Variants in SLC1A3 observed in about 807,000 individuals in gnomAD.
SLC1A3 encodes the protein solute carrier family 1 member 3, also known as excitatory amino acid transporter 1.
In SLC1A3, 21 loss-of-function variants were observed where a neutral mutation model predicts 48.1. The ratio of observed to expected loss-of-function variants is 0.44; its 90% confidence interval spans 0.31 to 0.63. The LOEUF (loss-of-function observed/expected upper bound fraction) is 0.63. Ranked by LOEUF, SLC1A3 falls within the 20% of genes least tolerant of loss-of-function variation. SLC1A3 has a pLI of 0.08. For synonymous variants in SLC1A3, 239 were observed against 251.4 expected, an observed-to-expected ratio of 0.95 and a Z score of 0.47; for missense variants, 546 against 689.0, an observed-to-expected ratio of 0.79 and a Z score of 2.32.
At chr5:36,661,930 G>A (rs779062963) in intron 3 of SLC1A3, among the ~76,000 whole-genome samples, 5 of 152,176 alleles carry the variant, frequency 3.3e-5, no homozygotes, top group Non-Finnish European at 7.4e-5. Context: ...TAGGAAGCGT[G>A]CTATCTCGAT....
intron 2 of SLC1A3, among the ~76,000 whole-genome samples, chr5:36,610,452 G>C (rs1305183842): frequency 1.3e-5 from 2 of 152,122 alleles, no homozygotes; most frequent in Non-Finnish European, 2.9e-5. Context: ...AGTAATACTG[G>C]AGTATATTTG....
Position 36,653,588 on chromosome 5 carries a change from A to G in SLC1A3, c.320-17441A>G, listed in dbSNP as rs113578352. Among the ~76,000 whole-genome samples the G allele has an allele frequency of 6.6e-4, 101 of 152,306 alleles. 3 individuals carry two copies. Among genetic ancestry groups the G allele is most frequent in the African/African-American group, 2.2e-3 (92 of 41,560 alleles). ...GCAGTCAAGTGTTGCCAGAACTCCA[A>G]TGTATAGTTTAGTAGAGTTTCCCAA... On this transcript the variant is annotated intron_variant, in intron 3 of 9. Transcript: ENST00000265113.
chr5:36,621,046 C>T (rs2115522), intron 2 of SLC1A3, among the ~76,000 whole-genome samples: 74,879 of 151,392 alleles, frequency 0.49, 21,005 homozygotes, highest in Admixed American at 0.64. Flanking sequence ...GCTGGGACAA[C>T]AGGTGTGCAC....
chr5:36,636,130 G>T (rs1445733079), intron 3 of SLC1A3: 1 of 149,936 alleles, frequency 6.7e-6, no homozygotes, highest in Non-Finnish European at 1.5e-5. Flanking sequence ...ATACCAAAAA[G>T]AATTTACCTT....
intron 2 of SLC1A3, among the ~76,000 whole-genome samples, chr5:36,618,218 A>T (rs1024781460): frequency 6.6e-6 from 1 of 152,368 alleles, no homozygotes; most frequent in South Asian, 2.1e-4. Context: ...TTTGTATGTT[A>T]CATTCAACTT....
chr5:36,683,972 G>A lies in SLC1A3; in HGVS notation c.1398G>A (p.Thr466=), dbSNP rs140281779. The A allele has an allele frequency of 1.9e-5, 31 of 1,614,054 alleles. No homozygotes were observed. Among genetic ancestry groups the A allele is most frequent in the African/African-American group, 1.2e-4 (9 of 74,914 alleles). ...TSVGLPTDDI[T]LIIAVDWFLD... ...TCGGCCTGCCCACTGACGACATCAC[G>A]CTCATCATCGCGGTGGACTGGTTCC... The change falls in exon 9 of 10, where the codon ACG becomes ACA. Residue 466 remains threonine, a synonymous_variant. Transcript: ENST00000265113.
At chr5:36,679,204 G>A (rs569956285) in intron 6 of SLC1A3, among the ~76,000 whole-genome samples, 1 of 152,312 alleles carries the variant, frequency 6.6e-6, no homozygotes, top group African/African-American at 2.4e-5. Context: ...GATTCCGGCT[G>A]TTCAGGACAC....
chr5:36,608,673 A>G, intron 2 of SLC1A3, 69 bp downstream of exon 2: 4 of 1,595,304 alleles, frequency 2.5e-6, no homozygotes, highest in Non-Finnish European at 2.6e-6. Flanking sequence ...TGCCCGGGGA[A>G]TATTATCAGA....
At chr5:36,683,661 TTGCACCAC>T (rs1742526824) in intron 8 of SLC1A3, among the ~76,000 whole-genome samples, 195 bp from the exon 9 acceptor site, 1 of 151,956 alleles carries the variant, frequency 6.6e-6, no homozygotes, top group Admixed American at 6.6e-5. Context: ...TGAGCCTAGT[TTGCACCAC>T]TGCACTCCAG....
chr5:36,632,100 C>T (rs1392612378), intron 3 of SLC1A3, among the ~76,000 whole-genome samples: 2 of 152,124 alleles, frequency 1.3e-5, no homozygotes, highest in Non-Finnish European at 2.9e-5. Context: ...TTCTCTTCAA[C>T]AAGAGAACTA....
Position 36,616,620 on chromosome 5 carries a change from C to T in SLC1A3, c.181+8016C>T, listed in dbSNP as rs1739446867. Among the ~76,000 whole-genome samples the T allele has an allele frequency of 2.6e-5, 4 of 152,210 alleles. No homozygotes were observed. In the South Asian group the frequency reaches 8.3e-4, roughly 32 times the overall value. ...AAGACAGCCGGCTGTTAGCGAGAGACTTCTTATTCAGAACCTTGTATGATG... is the reference window on the plus strand; with the variant it reads ...AAGACAGCCGGCTGTTAGCGAGAGATTTCTTATTCAGAACCTTGTATGATG... On this transcript the variant is annotated intron_variant, in intron 2 of 9. Transcript: ENST00000265113.
At chr5:36,603,188 A>T (rs2562576), upstream of SLC1A3, among the ~76,000 whole-genome samples, 2 of 152,110 alleles carry the variant, frequency 1.3e-5, no homozygotes, top group Admixed American at 1.3e-4. Flanking sequence ...AGCAGGAACC[A>T]CTACTGGCTC....
chr5:36,597,770 T>C (rs1738762420), intron 1 of SLC1A3, among the ~76,000 whole-genome samples: 1 of 152,118 alleles, frequency 6.6e-6, no homozygotes, highest in Admixed American at 6.5e-5. Flanking sequence ...GGCACGCCTC[T>C]CCCTAGCTAC....
rs1739064026 is a variant in SLC1A3 at position 36,608,613 on chromosome 5, T to C, written c.181+9T>C. ...CACCGCTGTCATTGTGGGTGAGTCA[T>C]TTGATTAAAAACAAAAAAACCTGTA... On this transcript the variant is annotated intron_variant, in intron 2 of 9. Coordinates refer to ENST00000265113, the MANE Select transcript of SLC1A3 (RefSeq NM_004172.5). 6.3e-7 allele frequency: 1 copy of C among 1,598,502 alleles called. No individual in the cohort carries two copies. Among genetic ancestry groups the C allele is most frequent in the Non-Finnish European group, 8.5e-7 (1 of 1,178,534 alleles).
chr5:36,684,134 T>C, intron 9 of SLC1A3, 136 bp downstream of exon 9: 1 of 1,126,600 alleles, frequency 8.9e-7, no homozygotes, highest in Admixed American at 1.7e-5. Flanking sequence ...TAAATTGTCC[T>C]TATTGTCTGA....
At chr5:36,666,571 C>A (rs1322035226) in intron 3 of SLC1A3, 1 of 152,098 alleles carries the variant, frequency 6.6e-6, no homozygotes, top group Non-Finnish European at 1.5e-5. Flanking sequence ...GTTTCAAAAC[C>A]AGAGATGGGA....
chr5:36,614,018 A>T (rs143902842), intron 2 of SLC1A3, among the ~76,000 whole-genome samples: 2 of 152,314 alleles, frequency 1.3e-5, no homozygotes, highest in East Asian at 3.9e-4. Flanking sequence ...GGTGTAGCCC[A>T]GTAAGGTATA....
At chr5:36,679,928 TAGG>T in intron 7 of SLC1A3, 68 bp downstream of exon 7, 1 of 1,048,476 alleles carries the variant, frequency 9.5e-7, no homozygotes, top group Non-Finnish European at 1.5e-6. Flanking sequence ...AAGTAGGGTG[TAGG>T]AGAAGCCATT....
chr5:36,651,288 A>T (rs921230963), intron 3 of SLC1A3, among the ~76,000 whole-genome samples: 2 of 151,682 alleles, frequency 1.3e-5, no homozygotes, highest in Admixed American at 6.6e-5. Context: ...CACCATCTGC[A>T]CCCTAGTCTG....
Sources: allele counts gnomAD v4.1 joint callset (sites outside exome capture counted in the v4.1 genomes callset), GRCh38; gene constraint gnomAD v4.1.1; transcripts MANE v1.5; gene names NCBI Gene and HGNC (gene_info 2026-07-23, HGNC 2026-07-21).